CHFR: variants seen among roughly 807,000 people sequenced by gnomAD.
CHFR encodes E3 ubiquitin-protein ligase CHFR.
Under a neutral mutation model 87.6 loss-of-function variants are expected in CHFR, and 57 were observed. The observed-to-expected ratio is 0.65, with a 90% CI of 0.53 to 0.81. The LOEUF is 0.81. CHFR is among the 30% of genes least tolerant of loss of function. The pLI is 0.00. For synonymous variants in CHFR, 381 were observed against 359.2 expected (o/e 1.06, Z -0.69); for missense variants, 797 against 865.8 (o/e 0.92, Z 1.00).
At chr12:132,870,873 T>G (rs1951473784) in intron 4 of CHFR, 90 bp from the exon 5 acceptor site, 2 of 759,964 alleles carry the variant, frequency 2.6e-6, no homozygotes, top group Non-Finnish European at 4.5e-6. Context: ...TCCATTTGTT[T>G]TTGTTGATTA....
chr12:132,854,749 T>A (rs756893243), intron 10 of CHFR: 2 of 151,738 alleles, frequency 1.3e-5, no homozygotes, highest in Non-Finnish European at 2.9e-5. Flanking sequence ...GAGCTTGCAA[T>A]GAGCCAAGAT....
intron 13 of CHFR, 65 bp from the exon 14 acceptor site, chr12:132,848,220 G>A (rs766186786): frequency 3.0e-5 from 49 of 1,610,348 alleles, no homozygotes; most frequent in East Asian, 1.1e-4. Context: ...CTGTCTGCCC[G>A]ACACTGAGGA....
intron 7 of CHFR, among the ~76,000 whole-genome samples, chr12:132,859,869 C>T (rs1951176268): frequency 6.6e-6 from 1 of 151,876 alleles, no homozygotes; most frequent in Non-Finnish European, 1.5e-5. Flanking sequence ...TAATGAAACC[C>T]CATCTCTAAA....
chr12:132,845,278 A>C (rs1950793855), intron 15 of CHFR, among the ~76,000 whole-genome samples: 1 of 151,544 alleles, frequency 6.6e-6, no homozygotes. Context: ...AGATGGTGAA[A>C]CCTCACCTCT....
intron 3 of CHFR, among the ~76,000 whole-genome samples, chr12:132,872,863 G>A (rs3782223): frequency 0.081 from 12,372 of 152,184 alleles, 1,149 homozygotes; most frequent in East Asian, 0.47. Flanking sequence ...ATGCTGGGCC[G>A]TCAGCTGCAG....
intron 3 of CHFR, among the ~76,000 whole-genome samples, chr12:132,873,872 C>T (rs1007729059): frequency 6.6e-6 from 1 of 152,210 alleles, no homozygotes; most frequent in East Asian, 1.9e-4. Context: ...TCCGCTTACA[C>T]CCCTTTGATG....
rs567876866 is a variant in CHFR, at chr12:132,843,949, A to G, written c.1843+78T>C. 143 of 595,284 alleles carry G rather than the reference A, an allele frequency of 2.4e-4. 2 individuals carry two copies. In the South Asian group the frequency reaches 2.8e-3, roughly 12 times the overall value. The allele number at this position is 595,284 out of a possible 1,614,324, so 36.9% of individuals were successfully genotyped here. Reference sequence around the variant, plus strand: ...GGGCAAAAACAGCGAAACTGTCTCAAAAAAAAAAAAGAGAGGCAGAAGCCA... The same window carrying G: ...GGGCAAAAACAGCGAAACTGTCTCAGAAAAAAAAAAGAGAGGCAGAAGCCA... On this transcript the variant is annotated intron_variant, in intron 16 of 17. Coordinates refer to ENST00000450056, the MANE Select transcript of CHFR (RefSeq NM_001161346.2).
At chr12:132,859,499 C>T (rs1053465068) in intron 7 of CHFR, among the ~76,000 whole-genome samples, 3 of 152,018 alleles carry the variant, frequency 2.0e-5, no homozygotes, top group Admixed American at 6.6e-5. Flanking sequence ...TACAGGTGCC[C>T]ACCACCACGC....
intron 4 of CHFR, 200 bp downstream of exon 4, chr12:132,872,085 A>C: frequency 5.8e-6 from 3 of 517,540 alleles, no homozygotes; most frequent in Non-Finnish European, 3.5e-6. Flanking sequence ...TTCCTGAGGA[A>C]TGGCTGGGCT....
chr12:132,858,056 C>T (rs778961458), intron 8 of CHFR, among the ~76,000 whole-genome samples: 1 of 152,142 alleles, frequency 6.6e-6, no homozygotes, highest in Non-Finnish European at 1.5e-5. Flanking sequence ...GTTGGTGCCA[C>T]GAGTAGAATG....
intron 6 of CHFR, among the ~76,000 whole-genome samples, 170 bp downstream of exon 6, chr12:132,869,449 T>C (rs961340753): frequency 2.0e-5 from 3 of 152,098 alleles, no homozygotes; most frequent in Non-Finnish European, 4.4e-5. Context: ...TTCACTTCTC[T>C]TGGGAAGTGA....
intron 6 of CHFR, chr12:132,866,229 T>C (rs529123840): frequency 6.6e-6 from 1 of 152,326 alleles, no homozygotes; most frequent in South Asian, 2.1e-4. Context: ...AATTAGCACC[T>C]GAGAAGTCCT....
intron 5 of CHFR, 60 bp downstream of exon 5, chr12:132,870,664 C>T: frequency 8.1e-7 from 1 of 1,238,478 alleles, no homozygotes; most frequent in Non-Finnish European, 1.2e-6. Flanking sequence ...CATCTCAAAA[C>T]ACAAAAGGAA....
chr12:132,870,293 A>G (rs1037358337), intron 5 of CHFR, among the ~76,000 whole-genome samples: 42 of 152,150 alleles, frequency 2.8e-4, no homozygotes, highest in Non-Finnish European at 4.6e-4. Flanking sequence ...TGGAGGTTGC[A>G]GTGAGCCGAG....
chr12:132,846,184 G>C (rs1366402711), intron 15 of CHFR, among the ~76,000 whole-genome samples: 1 of 152,096 alleles, frequency 6.6e-6, no homozygotes, highest in African/African-American at 2.4e-5. Context: ...AGCAGCAGTA[G>C]TGGCAGTCGG....
chr12:132,865,195 G>A (rs112132590), intron 6 of CHFR, among the ~76,000 whole-genome samples: 92 of 152,296 alleles, frequency 6.0e-4, no homozygotes, highest in African/African-American at 2.2e-3. Flanking sequence ...GTCCCTGCAC[G>A]GGGAGAGTCA....
intron 2 of CHFR, 150 bp from the exon 3 acceptor site, chr12:132,877,804 ATT>A (rs529824922): frequency 5.4e-4 from 205 of 382,876 alleles, no homozygotes; most frequent in South Asian, 1.0e-3. Flanking sequence ...ACATAAAGAA[ATT>A]TTTTTTTTTT....
intron 12 of CHFR, among the ~76,000 whole-genome samples, chr12:132,850,991 ATATATATG>A (rs1233867309): frequency 9.7e-6 from 1 of 103,582 alleles, no homozygotes; most frequent in Non-Finnish European, 2.0e-5. Context: ...ATATATATAT[ATATATATG>A]TTTTGTTTTG....
chr12:132,853,398 C>G (rs1203337096), intron 11 of CHFR, 33 bp downstream of exon 11: 5 of 1,476,592 alleles, frequency 3.4e-6, no homozygotes, highest in Non-Finnish European at 4.5e-6. Flanking sequence ...GTGACTCACG[C>G]GAAGGCTGAG....
Sources: gnomAD v4.1 joint callset for allele counts (sites outside exome capture counted in the v4.1 genomes callset) on GRCh38, gnomAD v4.1.1 for gene constraint, MANE v1.5 for transcripts, NCBI Gene and HGNC (gene_info 2026-07-23, HGNC 2026-07-21) for gene names.